Variants in ADAMTS19 observed in about 807,000 individuals in gnomAD.
ADAMTS19 encodes A disintegrin and metalloproteinase with thrombospondin motifs 19.
ADAMTS19 carries 93 observed loss-of-function variants against 153.3 expected under a neutral mutation model. The ratio of observed to expected loss-of-function variants is 0.61; its 90% CI spans 0.51 to 0.72. The LOEUF (loss-of-function observed/expected upper bound fraction) is 0.72. Among genes scored for constraint, ADAMTS19 ranks in the 30% least tolerant of loss-of-function variants. The pLI, the probability that ADAMTS19 is intolerant of heterozygous loss-of-function variation, is 0.00. For missense variants in ADAMTS19, 1,482 were observed against 1,552.1 expected, an observed-to-expected ratio of 0.95 and a Z score of 0.76; for synonymous variants, 600 against 556.6, an observed-to-expected ratio of 1.08 and a Z score of -1.10.
Position 129,461,739 on chromosome 5 carries a change from C to A in ADAMTS19, c.729C>A (p.Ser243Arg). The change falls in exon 2 of 23, where the codon AGC becomes AGA. Residue 243 changes from serine (S) to arginine (R), a missense_variant. Coordinates refer to ENST00000274487, the MANE Select transcript of ADAMTS19 (RefSeq NM_133638.6). This position sits in a 1 kb window ranked among gnomAD's most constrained non-coding sequence, Gnocchi z 4.6. ...ACCCTGGCTCGCTGGCTTCTTTCAG[C>A]ACCTGTGGAGGTGGCCTGGTAAGCG... Reference protein sequence around the residue: ...LRHPGSLASFSTCGGGLMGFI... With the variant: ...LRHPGSLASFRTCGGGLMGFI... 1 of 1,513,760 alleles carries A rather than the reference C, an allele frequency of 6.6e-7. No individual in the cohort carries two copies. Among genetic ancestry groups the A allele is most frequent in the Non-Finnish European group, 8.8e-7 (1 of 1,136,766 alleles). The allele number at this position is 1,513,760 out of a possible 1,614,324, so 93.8% of individuals were successfully genotyped here. A position where few individuals can be genotyped will look rare whatever the true frequency, so the allele number is the denominator to read the frequency against.
At chr5:129,699,276 T>A (rs1302646360) in intron 19 of ADAMTS19, among the ~76,000 whole-genome samples, 10 of 151,614 alleles carry the variant, frequency 6.6e-5, no homozygotes, top group Non-Finnish European at 1.3e-4. Context: ...ATACAAAAAT[T>A]AGGGGGACAT....
intron 2 of ADAMTS19, among the ~76,000 whole-genome samples, chr5:129,494,057 G>A (rs904759156): frequency 5.3e-5 from 8 of 151,686 alleles, no homozygotes; most frequent in South Asian, 2.1e-4. Flanking sequence ...TATAAAGTCC[G>A]TATGTATGCA....
chr5:129,576,278 C>T (rs1754098215), intron 7 of ADAMTS19, among the ~76,000 whole-genome samples: 1 of 151,946 alleles, frequency 6.6e-6, no homozygotes, highest in Non-Finnish European at 1.5e-5. Flanking sequence ...TTACTTGAAT[C>T]ATCTTTCATC....
intron 21 of ADAMTS19, among the ~76,000 whole-genome samples, chr5:129,721,597 T>TTA (rs142704938): frequency 0.014 from 2,087 of 152,192 alleles, 39 homozygotes; most frequent in African/African-American, 0.046. Context: ...CTTTTTTTTT[T>TTA]ATTTATTTTA....
In ADAMTS19 at chr5:129,528,665, T is replaced by C; in HGVS notation, c.1316T>C (p.Ile439Thr). The C allele has an allele frequency of 6.3e-7, 1 of 1,591,700 alleles. No individual in the cohort carries two copies. The highest frequency in any genetic ancestry group is 1.7e-4 in the Middle Eastern group (1 of 6,014). ...GEDMTSVDAAILITRKDFCVH... is the reference protein window; with the variant it reads ...GEDMTSVDAATLITRKDFCVH... The stretch of plus-strand genomic sequence containing the variant: ...GACATGACTTCAGTGGATGCAGCTA[T>C]ACTTATAACAAGGTAAATTTTCCAA... The change falls in exon 6 of 23, where the codon ATA (isoleucine) becomes ACA (threonine). Residue 439 changes from isoleucine (I) to threonine (T), a missense_variant. Transcript: ENST00000274487.
intron 18 of ADAMTS19, among the ~76,000 whole-genome samples, chr5:129,691,286 A>G (rs958585829): frequency 1.3e-5 from 2 of 152,190 alleles, no homozygotes; most frequent in Non-Finnish European, 2.9e-5. Flanking sequence ...TATTCAAAAC[A>G]TCCAGATTTC....
intron 7 of ADAMTS19, among the ~76,000 whole-genome samples, chr5:129,568,028 T>C (rs1488594174): frequency 6.6e-6 from 1 of 152,176 alleles, no homozygotes; most frequent in Admixed American, 6.5e-5. Flanking sequence ...TAGAATTCTA[T>C]ATTTTCAAAA....
chr5:129,662,448 C>T (rs1440124785), intron 15 of ADAMTS19, among the ~76,000 whole-genome samples: 1 of 152,212 alleles, frequency 6.6e-6, no homozygotes, highest in Non-Finnish European at 1.5e-5. Flanking sequence ...TAATACTTTT[C>T]TACCTCTCTT....
At chr5:129,492,282 G>A (rs1358207178) in intron 2 of ADAMTS19, among the ~76,000 whole-genome samples, 2 of 152,156 alleles carry the variant, frequency 1.3e-5, no homozygotes, top group Admixed American at 1.3e-4. Flanking sequence ...ACTAAACCAT[G>A]CACGAGAAAT....
chr5:129,460,488 T>C lies in ADAMTS19; in HGVS notation c.91+6T>C. 2 of 1,614,082 alleles carry C rather than the reference T, an allele frequency of 1.2e-6. No homozygotes were observed. Among genetic ancestry groups the C allele is most frequent in the Non-Finnish European group, 1.7e-6 (2 of 1,179,972 alleles). ...GTCGAATGGGATCGTTTCAGGTAAG[T>C]TCTTCCGTGACTTTCTCGCTTCCTT... On this transcript the variant is annotated splice_donor_region_variant and intron_variant, in intron 1 of 22. Coordinates refer to ENST00000274487, the MANE Select transcript of ADAMTS19 (RefSeq NM_133638.6).
intron 6 of ADAMTS19, among the ~76,000 whole-genome samples, chr5:129,548,362 T>C (rs1258487820): frequency 9.8e-5 from 14 of 143,560 alleles, no homozygotes; most frequent in Admixed American, 6.8e-4. Context: ...AAAAAGTGGG[T>C]GAAGGATATG....
At chr5:129,540,675 T>C (rs1752625259) in intron 6 of ADAMTS19, among the ~76,000 whole-genome samples, 1 of 152,084 alleles carries the variant, frequency 6.6e-6, no homozygotes, top group Non-Finnish European at 1.5e-5. Flanking sequence ...AATTACAGAA[T>C]AATTTTTGAA....
At chr5:129,568,869 TC>T (rs774288650) in intron 7 of ADAMTS19, among the ~76,000 whole-genome samples, 6 of 151,182 alleles carry the variant, frequency 4.0e-5, no homozygotes, top group Admixed American at 6.6e-5. Flanking sequence ...GAAAAAATAT[TC>T]AAAAAAAATA....
intron 18 of ADAMTS19, among the ~76,000 whole-genome samples, chr5:129,687,256 G>A (rs916477303): frequency 6.6e-6 from 1 of 152,142 alleles, no homozygotes; most frequent in African/African-American, 2.4e-5. Flanking sequence ...TAAAGTGATG[G>A]ACAGACAGGC....
intron 5 of ADAMTS19, among the ~76,000 whole-genome samples, chr5:129,528,225 G>A (rs1342180542): frequency 6.6e-6 from 1 of 151,882 alleles, no homozygotes; most frequent in Non-Finnish European, 1.5e-5. Flanking sequence ...AGAAAATGTT[G>A]TTCTTAAATT....
intron 21 of ADAMTS19, among the ~76,000 whole-genome samples, chr5:129,719,933 G>A (rs1756906897): frequency 6.6e-6 from 1 of 152,010 alleles, no homozygotes. Flanking sequence ...CCAGCTACTT[G>A]GAAGGCTGAA....
chr5:129,520,768 A>C (rs1012466703), intron 3 of ADAMTS19, among the ~76,000 whole-genome samples: 1 of 152,138 alleles, frequency 6.6e-6, no homozygotes, highest in African/African-American at 2.4e-5. Flanking sequence ...CTGAAGTTGT[A>C]AAATTGTTGT....
chr5:129,612,297 C>T (rs1423480641), intron 8 of ADAMTS19, among the ~76,000 whole-genome samples: 1 of 151,808 alleles, frequency 6.6e-6, no homozygotes, highest in Non-Finnish European at 1.5e-5. Flanking sequence ...CTACAAAGGA[C>T]ATGAACGCAT....
intron 10 of ADAMTS19, among the ~76,000 whole-genome samples, chr5:129,635,871 A>G (rs1752511666): frequency 6.6e-6 from 1 of 152,146 alleles, no homozygotes; most frequent in African/African-American, 2.4e-5. Flanking sequence ...CTGCACATGT[A>G]CCCCTGAACT....
Sources: allele counts gnomAD v4.1 joint callset (sites outside exome capture counted in the v4.1 genomes callset), GRCh38; gene constraint gnomAD v4.1.1; non-coding constraint Gnocchi (gnomAD v3.1); transcripts MANE v1.5; gene names NCBI Gene and HGNC (gene_info 2026-07-23, HGNC 2026-07-21).